ZDHHC2: variants seen among roughly 807,000 people sequenced by gnomAD.
The protein encoded by ZDHHC2 is zDHHC palmitoyltransferase 2.
A neutral mutation model predicts 55.6 loss-of-function variants in ZDHHC2; 51 were observed. The observed-to-expected ratio is 0.92, with a 90% CI of 0.73 to 1.16. ZDHHC2 has a LOEUF of 1.16. ZDHHC2 is among the 50% of genes most tolerant of loss of function. The pLI, the probability that ZDHHC2 is intolerant of heterozygous loss-of-function variation, is 0.00. For synonymous variants in ZDHHC2, 199 were observed against 152.9 expected, an observed-to-expected ratio of 1.30 and a Z score of -2.22; for missense variants, 491 against 442.4, an observed-to-expected ratio of 1.11 and a Z score of -0.99.
At chr8:17,194,112 G>A (rs1369388904) in intron 3 of ZDHHC2, among the ~76,000 whole-genome samples, 1 of 151,942 alleles carries the variant, frequency 6.6e-6, no homozygotes, top group Non-Finnish European at 1.5e-5. Flanking sequence ...CTTTTTTATG[G>A]CTTCATAGTA....
intron 3 of ZDHHC2, among the ~76,000 whole-genome samples, chr8:17,186,790 AAAC>A (rs894926618): frequency 1.3e-5 from 2 of 152,214 alleles, no homozygotes; most frequent in African/African-American, 4.8e-5. Context: ...CAGCCACCAG[AAAC>A]AACAACAACA....
intron 1 of ZDHHC2, among the ~76,000 whole-genome samples, chr8:17,167,008 C>G (rs1397896039): frequency 6.6e-6 from 1 of 152,176 alleles, no homozygotes; most frequent in Non-Finnish European, 1.5e-5. Context: ...TTCTTATTAT[C>G]TGAAAATAAT....
At chr8:17,173,270 TG>T (rs1804956892) in intron 1 of ZDHHC2, among the ~76,000 whole-genome samples, 2 of 152,226 alleles carry the variant, frequency 1.3e-5, no homozygotes, top group African/African-American at 4.8e-5. Context: ...CATCATGACT[TG>T]GATGACGTTA....
intron 1 of ZDHHC2, among the ~76,000 whole-genome samples, chr8:17,160,436 G>T (rs1032675286): frequency 2.6e-5 from 4 of 152,168 alleles, no homozygotes; most frequent in African/African-American, 9.7e-5. Flanking sequence ...AAGCTTAAAG[G>T]TCATCCAGGC....
At chr8:17,204,137 A>T (rs1563165121) in intron 6 of ZDHHC2, among the ~76,000 whole-genome samples, 1 of 152,222 alleles carries the variant, frequency 6.6e-6, no homozygotes, top group African/African-American at 2.4e-5. Context: ...TTATTTGCCC[A>T]TATGTAAGAC....
chr8:17,191,396 C>G (rs115304360), intron 3 of ZDHHC2, among the ~76,000 whole-genome samples: 1,780 of 152,302 alleles, frequency 0.012, 38 homozygotes, highest in African/African-American at 0.041. Context: ...TGCGCCCAGC[C>G]TTATTCATTC....
At chr8:17,195,694 T>C in intron 4 of ZDHHC2, 70 bp downstream of exon 4, 10 of 1,583,138 alleles carry the variant, frequency 6.3e-6, no homozygotes, top group South Asian at 2.3e-5. Context: ...TAAGAAAGTG[T>C]GTTTATGTAC....
intron 1 of ZDHHC2, among the ~76,000 whole-genome samples, chr8:17,162,075 TATA>T (rs1804374325): frequency 6.6e-6 from 1 of 152,202 alleles, no homozygotes; most frequent in African/African-American, 2.4e-5. Flanking sequence ...TTTACTTTAA[TATA>T]AATGGTCAAG....
At chr8:17,187,092 C>T (rs984012043) in intron 3 of ZDHHC2, among the ~76,000 whole-genome samples, 1 of 152,224 alleles carries the variant, frequency 6.6e-6, no homozygotes, top group Admixed American at 6.5e-5. Context: ...TATATGGCCA[C>T]ATCTACCCAC....
chr8:17,219,266 A>C (rs1291703528), intron 12 of ZDHHC2, among the ~76,000 whole-genome samples: 1 of 150,694 alleles, frequency 6.6e-6, no homozygotes, highest in Non-Finnish European at 1.5e-5. Flanking sequence ...AAAAAAAAAA[A>C]AAAAAAAAAA....
In ZDHHC2 at chr8:17,176,039, C is replaced by T. The variant is rs114326996; in HGVS notation, c.131-8750C>T. Among the ~76,000 whole-genome samples, 600 of 152,264 alleles carry T rather than the reference C, an allele frequency of 3.9e-3. 4 individuals are homozygous for T. The highest frequency in any genetic ancestry group is 0.013 in the African/African-American group (553 of 41,550). Reference sequence around the variant, plus strand: ...GGAAGAGCCAGATCATGCTTGACCACTGAGGCTGAAGTGAGGAGATTGGAC... The same window carrying T: ...GGAAGAGCCAGATCATGCTTGACCATTGAGGCTGAAGTGAGGAGATTGGAC... On this transcript the variant is annotated intron_variant, in intron 1 of 12. Coordinates refer to ENST00000262096, the MANE Select transcript of ZDHHC2 (RefSeq NM_016353.5).
chr8:17,205,776 G>A lies in ZDHHC2; in HGVS notation c.597+1G>A. On this transcript the variant is annotated splice_donor_variant, in intron 7 of 12. Coordinates refer to ENST00000262096, the MANE Select transcript of ZDHHC2 (RefSeq NM_016353.5). LOFTEE classifies it high-confidence loss of function. ...ACAGTATTTTATCAAATTTTGGACA[G>A]TAAGTCATTAACTTGGTAACTCTTT... 1 of 1,597,996 alleles carries A rather than the reference G, an allele frequency of 6.3e-7. No individual in the cohort carries two copies. The highest frequency in any genetic ancestry group is 8.5e-7 in the Non-Finnish European group (1 of 1,175,328).
intron 1 of ZDHHC2, among the ~76,000 whole-genome samples, chr8:17,168,205 G>A (rs908154519): frequency 2.6e-5 from 4 of 152,070 alleles, no homozygotes; most frequent in Admixed American, 6.5e-5. Flanking sequence ...ATTTTGGCTC[G>A]GCATTCTTTT....
chr8:17,179,997 T>C (rs1805348650), intron 1 of ZDHHC2, among the ~76,000 whole-genome samples: 2 of 152,130 alleles, frequency 1.3e-5, no homozygotes, highest in Non-Finnish European at 2.9e-5. Flanking sequence ...AAAATTAAAA[T>C]TGTGATTCAC....
chr8:17,169,134 A>T (rs952991726), intron 1 of ZDHHC2, among the ~76,000 whole-genome samples: 4 of 152,096 alleles, frequency 2.6e-5, no homozygotes, highest in African/African-American at 9.7e-5. Context: ...TTTTTGATGC[A>T]GGTGTCACCC....
intron 1 of ZDHHC2, among the ~76,000 whole-genome samples, chr8:17,181,853 A>C (rs1319322084): frequency 1.3e-5 from 2 of 152,172 alleles, no homozygotes; most frequent in Non-Finnish European, 2.9e-5. Context: ...AAATATTAGA[A>C]AAGTGTTTGA....
rs1807297569 is a variant in ZDHHC2 at position 17,210,002 on chromosome 8, C to T, written c.801C>T (p.Asn267=). 1 of 1,610,644 alleles carries T rather than the reference C, an allele frequency of 6.2e-7. No individual in the cohort carries two copies. The highest frequency in any genetic ancestry group is 2.2e-5 in the East Asian group (1 of 44,778). Residue 267 remains asparagine, a synonymous_variant, in exon 9 of 13, where the codon AAC becomes AAT. Coordinates refer to ENST00000262096, the MANE Select transcript of ZDHHC2 (RefSeq NM_016353.5). ...KNGFSLGFSK[N]MRQVFGDEKK... ...GATTCAGCTTGGGTTTCAGTAAAAA[C>T]ATGCGACAAGTTTTTGGTGATGAGA... is the stretch of plus-strand genomic sequence containing the variant.
intron 7 of ZDHHC2, among the ~76,000 whole-genome samples, chr8:17,206,092 C>A (rs1342415949): frequency 6.6e-6 from 1 of 152,186 alleles, no homozygotes; most frequent in Admixed American, 6.5e-5. Flanking sequence ...ATACTATAAA[C>A]AAGTGTGCTT....
intron 3 of ZDHHC2, among the ~76,000 whole-genome samples, chr8:17,195,278 A>G (rs1260349529): frequency 6.6e-6 from 1 of 152,210 alleles, no homozygotes. Context: ...CAGAGGAAGT[A>G]GGTACAGTTG....
Sources: gnomAD v4.1 joint callset for allele counts (sites outside exome capture counted in the v4.1 genomes callset) on GRCh38, gnomAD v4.1.1 for gene constraint, MANE v1.5 for transcripts, NCBI Gene and HGNC (gene_info 2026-07-23, HGNC 2026-07-21) for gene names.